Variants in NUP155 observed in about 807,000 individuals in gnomAD.
NUP155 encodes the protein nuclear pore complex protein Nup155.
In NUP155, 71 loss-of-function variants were observed where a neutral mutation model predicts 180.4. That is an observed-to-expected ratio of 0.39 (90% CI 0.33 to 0.48). The LOEUF (loss-of-function observed/expected upper bound fraction) is 0.48, where lower values mean the gene tolerates loss of function less well. Ranked by LOEUF, NUP155 falls within the 20% of genes least tolerant of loss-of-function variation. The pLI, the probability that NUP155 is intolerant of heterozygous loss-of-function variation, is 0.91. For missense variants in NUP155, 1,553 were observed against 1,648.9 expected (o/e 0.94, Z 1.01); for synonymous variants, 582 against 559.5 (o/e 1.04, Z -0.57).
intron 32 of NUP155, among the ~76,000 whole-genome samples, chr5:37,295,422 C>A (rs1742483757): frequency 6.6e-6 from 1 of 152,126 alleles, no homozygotes; most frequent in South Asian, 2.1e-4. Context: ...AGCAGCCTGC[C>A]TTGGCCTCCC....
chr5:37,361,015 T>A (rs1237288729), intron 3 of NUP155, among the ~76,000 whole-genome samples: 1 of 151,988 alleles, frequency 6.6e-6, no homozygotes, highest in Non-Finnish European at 1.5e-5. Flanking sequence ...ATGCTTGTAA[T>A]CCCAGCACTT....
At position 37,291,738 on chromosome 5, in the gene NUP155, A is replaced by G. The variant is rs1027981552; in HGVS notation, c.*162T>C. The G allele has an allele frequency of 1.6e-5, 9 of 555,412 alleles. No individual in the cohort carries two copies. The highest frequency in any genetic ancestry group is 2.8e-5 in the Non-Finnish European group (9 of 321,232). 34.4% of individuals were successfully genotyped at this position (555,412 alleles called of 1,614,324 possible). A position where few individuals can be genotyped will look rare whatever the true frequency, so the allele number is the denominator to read the frequency against. On this transcript the variant is annotated 3_prime_UTR_variant, in exon 35 of 35. Coordinates refer to ENST00000231498, the MANE Select transcript of NUP155 (RefSeq NM_153485.3). ...AAAAACAAAATAGTCATAAAAAAGA[A>G]TTCATTTAGCAAAGGTACTATTTGT...
In NUP155 at chr5:37,370,653, G is replaced by A. The variant is rs1218504449; in HGVS notation, c.157+168C>T. ...AAGTATCTACAATGAAGAAAGTGAG[G>A]AAAGGAAAAAACCTGAAAAGAAGCT... On this transcript the variant is annotated intron_variant, in intron 1 of 34. Transcript: ENST00000231498. The A allele has an allele frequency of 2.6e-5, 41 of 1,578,072 alleles. No individual in the cohort carries two copies. In the South Asian group the frequency reaches 4.4e-4, roughly 17 times the overall value.
At chr5:37,355,065 C>G (rs527759153) in intron 4 of NUP155, among the ~76,000 whole-genome samples, 9 of 150,662 alleles carry the variant, frequency 6.0e-5, no homozygotes, top group Non-Finnish European at 1.0e-4. Flanking sequence ...GCACTCCAGC[C>G]TGGGCGACAG....
Position 37,351,312 on chromosome 5 carries a change from G to A in NUP155, c.601C>T (p.Leu201Phe). 6.2e-7 allele frequency: 1 copy of A among 1,612,386 alleles called. No individual in the cohort carries two copies. The highest frequency in any genetic ancestry group is 8.5e-7 in the Non-Finnish European group (1 of 1,178,642). The change falls in exon 6 of 35, where the codon CTT becomes TTT. Residue 201 changes from leucine (L) to phenylalanine (F), a missense_variant. Coordinates refer to ENST00000231498, the MANE Select transcript of NUP155 (RefSeq NM_153485.3). Reference protein sequence around the residue: ...NDSLSGGMQLLPDPLYSLPTD... With the variant: ...NDSLSGGMQLFPDPLYSLPTD... ...GGAAGAGAATATAAAGGATCTGGAA[G>A]CAACTGCATTCCACCAGACAAACTA...
intron 20 of NUP155, among the ~76,000 whole-genome samples, chr5:37,322,639 G>A (rs1419854096): frequency 2.0e-5 from 3 of 151,278 alleles, no homozygotes; most frequent in Non-Finnish European, 4.4e-5. Context: ...CCCGGGAGGC[G>A]GAGGTTGCAG....
At chr5:37,323,853 G>A (rs905666136) in intron 20 of NUP155, 139 bp downstream of exon 20, 8 of 648,488 alleles carry the variant, frequency 1.2e-5, no homozygotes, top group African/African-American at 3.7e-5. Context: ...TAGTGGTGAT[G>A]GTTGCATAAC....
chr5:37,365,132 T>C (rs1390708498), intron 1 of NUP155, among the ~76,000 whole-genome samples: 1 of 151,368 alleles, frequency 6.6e-6, no homozygotes, highest in African/African-American at 2.4e-5. Context: ...CCTGGTGGCG[T>C]GCGCCTATAA....
intron 22 of NUP155, among the ~76,000 whole-genome samples, chr5:37,312,245 C>CCA (rs1392161793): frequency 1.3e-5 from 2 of 152,010 alleles, no homozygotes; most frequent in Non-Finnish European, 2.9e-5. Context: ...GATGAATAAA[C>CCA]CACTACCTAT....
chr5:37,327,692 C>G lies in NUP155; in HGVS notation c.1961G>C (p.Gly654Ala). ...TTTTCCAGAGTACACAATCTCTGGT[C>G]CAGTCACACAACTCATATTTGTGGC... Reference protein sequence around the residue: ...TQATNMSCVTGPEIVYSGKHN... With the variant: ...TQATNMSCVTAPEIVYSGKHN... Residue 654 changes from glycine to alanine, a missense_variant, in exon 18 of 35, where the codon GGA (glycine) becomes GCA (alanine). By Grantham distance (60) the Gly-to-Ala change is moderately conservative (BLOSUM62 0). Transcript: ENST00000231498. 2.5e-6 allele frequency: 4 copies of G among 1,614,052 alleles called. No individual in the cohort carries two copies. Among genetic ancestry groups the G allele is most frequent in the Non-Finnish European group, 3.4e-6 (4 of 1,179,964 alleles).
chr5:37,333,390 T>G, intron 13 of NUP155, 73 bp downstream of exon 13: 1 of 1,247,942 alleles, frequency 8.0e-7, no homozygotes, highest in Non-Finnish European at 1.2e-6. Context: ...ATTAAGCCAC[T>G]ACTTCAGAGA....
chr5:37,316,179 A>G (rs1743871376), intron 21 of NUP155, among the ~76,000 whole-genome samples: 1 of 152,222 alleles, frequency 6.6e-6, no homozygotes, highest in South Asian at 2.1e-4. Context: ...CAACAGATGA[A>G]TGGATAAAGG....
intron 5 of NUP155, 70 bp from the exon 6 acceptor site, chr5:37,351,426 A>C: frequency 9.3e-7 from 1 of 1,078,436 alleles, no homozygotes; most frequent in Non-Finnish European, 1.4e-6. Flanking sequence ...TTGCATTATC[A>C]TCAGAATCTA....
chr5:37,302,695 T>G, intron 29 of NUP155, 84 bp downstream of exon 29: 1 of 1,387,570 alleles, frequency 7.2e-7, no homozygotes, highest in Non-Finnish European at 1.0e-6. Flanking sequence ...TCAGACCTAT[T>G]ACTTACCAAG....
chr5:37,351,736 AC>A (rs112189330), intron 5 of NUP155, among the ~76,000 whole-genome samples: 31,266 of 151,994 alleles, frequency 0.21, 3,596 homozygotes, highest in African/African-American at 0.31. Context: ...GGCAAGAGCC[AC>A]CATACCCAGC....
chr5:37,341,403 C>G (rs1053263674), intron 10 of NUP155, among the ~76,000 whole-genome samples, 161 bp from the exon 11 acceptor site: 1 of 152,222 alleles, frequency 6.6e-6, no homozygotes, highest in African/African-American at 2.4e-5. Context: ...GCTCTGTCGC[C>G]CAGGCTGGAG....
At chr5:37,304,915 A>G (rs1743067530) in intron 26 of NUP155, 72 bp from the exon 27 acceptor site, 4 of 1,505,568 alleles carry the variant, frequency 2.7e-6, no homozygotes, top group Non-Finnish European at 3.7e-6. Flanking sequence ...CTTTAGCCCT[A>G]TAAACTCCAG....
intron 20 of NUP155, among the ~76,000 whole-genome samples, chr5:37,321,178 T>C (rs1462912530): frequency 1.3e-5 from 2 of 152,012 alleles, no homozygotes; most frequent in Non-Finnish European, 2.9e-5. Context: ...AAACCCTGTC[T>C]CTGCTACAAA....
chr5:37,310,438 A>C, intron 23 of NUP155, 114 bp downstream of exon 23: 3 of 759,772 alleles, frequency 3.9e-6, no homozygotes, highest in Non-Finnish European at 4.4e-6. Flanking sequence ...TTCTGAGGCT[A>C]GGAGAGGTTA....
Sources: allele counts gnomAD v4.1 joint callset (sites outside exome capture counted in the v4.1 genomes callset), GRCh38; gene constraint gnomAD v4.1.1; transcripts MANE v1.5; gene names NCBI Gene and HGNC (gene_info 2026-07-23, HGNC 2026-07-21).